VWA8: variants seen among roughly 807,000 people sequenced by gnomAD.
VWA8 encodes the protein von Willebrand factor A domain-containing protein 8.
In VWA8, 221 loss-of-function variants were observed where a neutral mutation model predicts 241.5. That is an observed-to-expected ratio of 0.91 (90% CI 0.82 to 1.02). VWA8 has a LOEUF of 1.02. Ranked by LOEUF, VWA8 falls within the 50% of genes least tolerant of loss-of-function variation. The probability of loss-of-function intolerance (pLI) is 0.00; values close to 1 mark genes in which losing one functional copy is unlikely to be tolerated. For synonymous variants in VWA8, 852 were observed against 827.1 expected, an observed-to-expected ratio of 1.03 and a Z score of -0.52; for missense variants, 2,322 against 2,328.7, an observed-to-expected ratio of 1.00 and a Z score of 0.06.
Position 41,784,713 on chromosome 13 carries a change from T to TATATATATATAC in VWA8, c.2171-813_2171-812insGTATATATATAT, listed in dbSNP as rs1555335074. Among the ~76,000 whole-genome samples, 362 of 70,720 alleles carry TATATATATATAC rather than the reference T, an allele frequency of 5.1e-3. 9 individuals are homozygous for TATATATATATAC. The highest frequency in any genetic ancestry group is 0.013 in the African/African-American group (300 of 23,480). The allele number at this position is 70,720 out of a possible 152,430, so 46.4% of individuals were successfully genotyped here. On this transcript the variant is annotated intron_variant, in intron 18 of 44. Coordinates refer to ENST00000379310, the MANE Select transcript of VWA8 (RefSeq NM_015058.2). Reference sequence around the variant, plus strand: ...ATACATATACATATATATATATATATATATATATATATATATACACACACA... The same window carrying TATATATATATAC: ...ATACATATACATATATATATATATATATATATATATACATATATATATATATATACACACACA...
At chr13:41,876,497 G>A (rs906320993) in intron 9 of VWA8, among the ~76,000 whole-genome samples, 1 of 151,970 alleles carries the variant, frequency 6.6e-6, no homozygotes, top group Non-Finnish European at 1.5e-5. Flanking sequence ...TCTACCCACA[G>A]GACTTCTCTC....
At chr13:41,741,901 A>C (rs1439516206) in intron 21 of VWA8, among the ~76,000 whole-genome samples, 1 of 152,216 alleles carries the variant, frequency 6.6e-6, no homozygotes, top group East Asian at 1.9e-4. Context: ...CAGTGGGGAC[A>C]CAGAAGAGAA....
chr13:41,610,589 A>G (rs2044580870), intron 39 of VWA8, among the ~76,000 whole-genome samples: 1 of 152,206 alleles, frequency 6.6e-6, no homozygotes, highest in South Asian at 2.1e-4. Context: ...TACTTGCAGG[A>G]TGTGGAAGCA....
intron 19 of VWA8, 40 bp from the exon 20 acceptor site, chr13:41,778,096 T>C: frequency 6.7e-7 from 1 of 1,484,446 alleles, no homozygotes; most frequent in Non-Finnish European, 9.2e-7. Context: ...TTTTGTACAA[T>C]CAAGGTTAAA....
At chr13:41,681,922 G>C (rs768577689) in intron 35 of VWA8, among the ~76,000 whole-genome samples, 27 of 152,170 alleles carry the variant, frequency 1.8e-4, no homozygotes, top group Non-Finnish European at 1.8e-4. Context: ...CAAATTAACT[G>C]AAAGAAGTCG....
At chr13:41,840,411 A>G (rs1263268389) in intron 12 of VWA8, among the ~76,000 whole-genome samples, 1 of 151,978 alleles carries the variant, frequency 6.6e-6, no homozygotes, top group Non-Finnish European at 1.5e-5. Context: ...GTACATGTAT[A>G]CCTATGTAAC....
chr13:41,753,244 C>T (rs9594625), intron 21 of VWA8, among the ~76,000 whole-genome samples: 2,244 of 152,122 alleles, frequency 0.015, 53 homozygotes, highest in African/African-American at 0.051. Context: ...GAGCATAGGT[C>T]ATGTTAATGA....
intron 40 of VWA8, among the ~76,000 whole-genome samples, chr13:41,601,536 T>C (rs569237139): frequency 8.5e-5 from 13 of 152,226 alleles, no homozygotes; most frequent in African/African-American, 2.6e-4. Context: ...CAGAAAAACA[T>C]TGGAGAGAAG....
At chr13:41,770,972 T>G (rs192194577) in intron 20 of VWA8, among the ~76,000 whole-genome samples, 6 of 147,912 alleles carry the variant, frequency 4.1e-5, no homozygotes, top group African/African-American at 1.5e-4. Flanking sequence ...CATGTAGAAA[T>G]GATTGTGAAT....
chr13:41,806,869 TC>T (rs1870234707), intron 17 of VWA8, among the ~76,000 whole-genome samples: 1 of 142,878 alleles, frequency 7.0e-6, no homozygotes, highest in Non-Finnish European at 1.5e-5. Context: ...AGAGTGAGAC[TC>T]CATCTCAAAA....
At chr13:41,792,658 T>C (rs751533286) in intron 17 of VWA8, among the ~76,000 whole-genome samples, 13 of 152,022 alleles carry the variant, frequency 8.6e-5, no homozygotes, top group Non-Finnish European at 1.6e-4. Flanking sequence ...TTGTGGGATT[T>C]TGACTAATTA....
intron 36 of VWA8, among the ~76,000 whole-genome samples, chr13:41,671,988 T>G (rs568526302): frequency 6.6e-6 from 1 of 152,314 alleles, no homozygotes; most frequent in African/African-American, 2.4e-5. Flanking sequence ...AAAAATACAC[T>G]GTAATTTACT....
intron 37 of VWA8, among the ~76,000 whole-genome samples, chr13:41,659,175 G>A (rs35526331): frequency 0.019 from 2,903 of 152,282 alleles, 54 homozygotes; most frequent in African/African-American, 0.051. Context: ...CCTTGTATCA[G>A]TGGAGCTCAG....
intron 17 of VWA8, among the ~76,000 whole-genome samples, chr13:41,808,262 C>A (rs554380543): frequency 3.0e-4 from 45 of 152,204 alleles, no homozygotes; most frequent in Middle Eastern, 3.4e-3. Context: ...TGTGTTAGTC[C>A]GTTTTTGTAC....
intron 4 of VWA8, among the ~76,000 whole-genome samples, chr13:41,901,108 ATTTTTTT>A (rs34752001): frequency 3.2e-5 from 4 of 123,580 alleles, no homozygotes; most frequent in African/African-American, 9.1e-5. Flanking sequence ...CATGATCATC[ATTTTTTT>A]TTTTTTTTTT....
At chr13:41,652,127 T>C (rs2044873248) in intron 37 of VWA8, among the ~76,000 whole-genome samples, 1 of 152,218 alleles carries the variant, frequency 6.6e-6, no homozygotes, top group Non-Finnish European at 1.5e-5. Flanking sequence ...CACAACTTCC[T>C]GTTCACCTGA....
chr13:41,901,663 G>A (rs1009326011), intron 4 of VWA8, among the ~76,000 whole-genome samples: 55 of 151,584 alleles, frequency 3.6e-4, no homozygotes, highest in Non-Finnish European at 3.2e-4. Flanking sequence ...AGGTCAGTTC[G>A]AAACCAGCCT....
intron 2 of VWA8, among the ~76,000 whole-genome samples, chr13:41,944,074 CA>C (rs1877726460): frequency 6.6e-6 from 1 of 151,512 alleles, no homozygotes; most frequent in African/African-American, 2.4e-5. Context: ...CACTGCACTC[CA>C]GCCTGGGCGA....
At chr13:41,828,155 A>G (rs181341274) in intron 14 of VWA8, among the ~76,000 whole-genome samples, 32 of 152,356 alleles carry the variant, frequency 2.1e-4, no homozygotes, top group African/African-American at 7.2e-4. Context: ...CAGCTGTGTA[A>G]TCAAGTGACT....
Sources: gnomAD v4.1 joint callset for allele counts (sites outside exome capture counted in the v4.1 genomes callset) on GRCh38, gnomAD v4.1.1 for gene constraint, MANE v1.5 for transcripts, NCBI Gene and HGNC (gene_info 2026-07-23, HGNC 2026-07-21) for gene names.